Variants in MEGF10 observed in about 807,000 individuals in gnomAD.
MEGF10 encodes multiple epidermal growth factor-like domains protein 10.
A neutral mutation model predicts 147.5 loss-of-function variants in MEGF10; 86 were observed. That is an observed-to-expected ratio of 0.58 (90% CI 0.49 to 0.70). The LOEUF (loss-of-function observed/expected upper bound fraction) is 0.70. Among genes scored for constraint, MEGF10 ranks in the 30% least tolerant of loss-of-function variants. MEGF10 has a pLI of 0.00. For missense variants in MEGF10, 1,329 were observed against 1,487.3 expected, an observed-to-expected ratio of 0.89 and a Z score of 1.75; for synonymous variants, 478 against 525.5, an observed-to-expected ratio of 0.91 and a Z score of 1.24.
chr5:127,415,233 C>A (rs1764714372), intron 9 of MEGF10, among the ~76,000 whole-genome samples: 1 of 152,156 alleles, frequency 6.6e-6, no homozygotes, highest in South Asian at 2.1e-4. Context: ...TCAGGTTTCA[C>A]AAGGATAGTC....
At chr5:127,271,728 G>A in the MEGF10 span, among the ~76,000 whole-genome samples, 1 of 152,096 alleles carries the variant, frequency 6.6e-6, no homozygotes, top group Admixed American at 6.5e-5. Context: ...CCTTCCTGCT[G>A]CCATGTGGAA....
intron 4 of MEGF10, among the ~76,000 whole-genome samples, chr5:127,359,304 G>A (rs1253645117): frequency 3.9e-5 from 6 of 151,902 alleles, no homozygotes; most frequent in Admixed American, 1.3e-4. Context: ...TCTATGGAGA[G>A]AGGGCTCTTT....
chr5:127,452,386 C>T (rs1766187132), intron 22 of MEGF10, among the ~76,000 whole-genome samples: 1 of 152,212 alleles, frequency 6.6e-6, no homozygotes, highest in Non-Finnish European at 1.5e-5. Flanking sequence ...AAGCTGTTCT[C>T]AGAGGCCACA....
At chr5:127,342,783 A>G (rs1239884195) in intron 4 of MEGF10, among the ~76,000 whole-genome samples, 1 of 152,034 alleles carries the variant, frequency 6.6e-6, no homozygotes, top group Non-Finnish European at 1.5e-5. Flanking sequence ...TTTGCCTCAA[A>G]AATTCTCCTT....
chr5:127,396,594 C>T lies in MEGF10; in HGVS notation c.475C>T (p.Leu159=), dbSNP rs1307226774. Residue 159 remains leucine (L), a synonymous_variant, in exon 6 of 25, where the codon CTG becomes TTG. Coordinates refer to ENST00000503335, the MANE Select transcript of MEGF10 (RefSeq NM_001256545.2). ...TSRCQCKNGA[L]CNPITGACHC... is the part of the protein sequence containing the mutation. ...CCGGTGCCAGTGCAAAAATGGGGCT[C>T]TGTGCAACCCCATCACCGGGGCTTG... is the stretch of plus-strand genomic sequence containing the variant. The T allele has an allele frequency of 2.5e-6, 4 of 1,606,460 alleles. No individual in the cohort carries two copies. In the African/African-American group the frequency reaches 4.0e-5, roughly 16 times the overall value.
At chr5:127,281,701 G>A in the MEGF10 span, among the ~76,000 whole-genome samples, 3 of 152,234 alleles carry the variant, frequency 2.0e-5, no homozygotes, top group Non-Finnish European at 2.9e-5. Context: ...ACACGGGATG[G>A]CCAACTGTGC....
chr5:127,431,834 G>A (rs1765394901), intron 13 of MEGF10, among the ~76,000 whole-genome samples: 2 of 152,156 alleles, frequency 1.3e-5, no homozygotes, highest in South Asian at 4.1e-4. Flanking sequence ...TGCTTAATAT[G>A]TTTGATGCTT....
chr5:127,446,712 G>A (rs1765952618), intron 20 of MEGF10, among the ~76,000 whole-genome samples: 1 of 152,184 alleles, frequency 6.6e-6, no homozygotes, highest in African/African-American at 2.4e-5. Context: ...CTTCCAATCA[G>A]GCCCTTTTAG....
intron 14 of MEGF10, among the ~76,000 whole-genome samples, chr5:127,434,114 A>G (rs535073507): frequency 2.6e-5 from 4 of 152,332 alleles, no homozygotes; most frequent in Middle Eastern, 3.4e-3. Context: ...CTTTCCCCCC[A>G]TAAGAATTCT....
At chr5:127,309,947 C>CTCTTTTCTTTCTTTCTT (rs1760190602) in intron 1 of MEGF10, among the ~76,000 whole-genome samples, 1 of 90,396 alleles carries the variant, frequency 1.1e-5, no homozygotes, top group South Asian at 3.9e-4. Flanking sequence ...TCCTTGCCAA[C>CTCTTTTCTTTCTTTCTT]TCTTTCTTTC....
chr5:127,406,039 G>T (rs2126942033), intron 8 of MEGF10, among the ~76,000 whole-genome samples: 1 of 152,260 alleles, frequency 6.6e-6, no homozygotes, highest in East Asian at 1.9e-4. Context: ...ATAGAAAAAT[G>T]AGTTGGGGTA....
chr5:127,401,846 G>C (rs1272184786), intron 7 of MEGF10, among the ~76,000 whole-genome samples: 2 of 152,132 alleles, frequency 1.3e-5, no homozygotes, highest in Non-Finnish European at 2.9e-5. Flanking sequence ...CTAGGGTGAG[G>C]AGAAATATCC....
the MEGF10 span, among the ~76,000 whole-genome samples, chr5:127,273,482 C>G: frequency 2.6e-5 from 4 of 152,356 alleles, no homozygotes; most frequent in African/African-American, 9.6e-5. Context: ...TGCACTGCAG[C>G]TGCTTCTAAT....
chr5:127,349,245 T>C (rs548396350), intron 4 of MEGF10, among the ~76,000 whole-genome samples: 1 of 152,302 alleles, frequency 6.6e-6, no homozygotes, highest in East Asian at 1.9e-4. Flanking sequence ...GGTTGAAAGA[T>C]AGTTACCTTC....
At chr5:127,288,504 A>T (rs747663698), upstream of MEGF10, among the ~76,000 whole-genome samples, 1 of 152,202 alleles carries the variant, frequency 6.6e-6, no homozygotes, top group Non-Finnish European at 1.5e-5. Context: ...GGTCACCATC[A>T]TTAGTCAGTA....
chr5:127,376,496 G>A (rs1260685796), intron 5 of MEGF10, among the ~76,000 whole-genome samples: 1 of 152,118 alleles, frequency 6.6e-6, no homozygotes, highest in Non-Finnish European at 1.5e-5. Flanking sequence ...GGCCAGAATA[G>A]GTGTAAACAG....
the MEGF10 span, among the ~76,000 whole-genome samples, chr5:127,265,764 GTTGT>G: frequency 2.0e-5 from 3 of 152,084 alleles, no homozygotes; most frequent in South Asian, 2.1e-4. Context: ...TGTTGATGGG[GTTGT>G]TTGTTTTTTT....
intron 14 of MEGF10, 140 bp downstream of exon 14, chr5:127,433,649 G>T: frequency 9.8e-7 from 1 of 1,017,848 alleles, no homozygotes. Context: ...TGGTTCACTT[G>T]TCCTTTGCAG....
chr5:127,430,884 G>C (rs77292378), intron 13 of MEGF10, among the ~76,000 whole-genome samples: 1 of 152,204 alleles, frequency 6.6e-6, no homozygotes, highest in Admixed American at 6.5e-5. Context: ...GAATTTTTAA[G>C]AGGGTGTTGG....
Sources: allele counts gnomAD v4.1 joint callset (sites outside exome capture counted in the v4.1 genomes callset), GRCh38; gene constraint gnomAD v4.1.1; transcripts MANE v1.5; gene names NCBI Gene and HGNC (gene_info 2026-07-23, HGNC 2026-07-21).